Variants in PDE3B observed in about 807,000 individuals in gnomAD.
PDE3B encodes the protein cGMP-inhibited 3',5'-cyclic phosphodiesterase 3B.
PDE3B carries 66 observed loss-of-function variants against 116.8 expected under a neutral mutation model. That is an observed-to-expected ratio of 0.56 (90% CI 0.46 to 0.69). PDE3B has a LOEUF of 0.69. Among genes scored for constraint, PDE3B ranks in the 30% least tolerant of loss-of-function variants. The pLI, the probability that PDE3B is intolerant of heterozygous loss-of-function variation, is 0.00. For missense variants in PDE3B, 1,384 were observed against 1,368.1 expected (o/e 1.01, Z -0.18); for synonymous variants, 595 against 533.6 (o/e 1.12, Z -1.59).
chr11:14,689,985 A>T (rs556095677), intron 1 of PDE3B, among the ~76,000 whole-genome samples: 6 of 152,232 alleles, frequency 3.9e-5, no homozygotes, highest in Admixed American at 1.3e-4. Flanking sequence ...TTAGTTTGGG[A>T]GGCATGTATT....
intron 4 of PDE3B, among the ~76,000 whole-genome samples, chr11:14,801,025 C>T (rs1590156282): frequency 6.6e-6 from 1 of 152,168 alleles, no homozygotes; most frequent in East Asian, 1.9e-4. Context: ...TTCTTCTCTA[C>T]ACTGATTATT....
intron 1 of PDE3B, among the ~76,000 whole-genome samples, chr11:14,710,223 C>T (rs1360350389): frequency 6.6e-6 from 1 of 152,108 alleles, no homozygotes; most frequent in Non-Finnish European, 1.5e-5. Flanking sequence ...TTATTGTGCT[C>T]CTTCAATGAG....
intron 12 of PDE3B, among the ~76,000 whole-genome samples, chr11:14,846,107 C>T (rs1847595850): frequency 6.6e-6 from 1 of 152,170 alleles, no homozygotes; most frequent in Admixed American, 6.5e-5. Context: ...TGGGTTACCA[C>T]AAAGGGAAGC....
chr11:14,724,127 T>C (rs1856208874), intron 1 of PDE3B, among the ~76,000 whole-genome samples: 1 of 152,074 alleles, frequency 6.6e-6, no homozygotes, highest in South Asian at 2.1e-4. Flanking sequence ...TTGGCAAAAG[T>C]TTTTTCAGAA....
At chr11:14,837,358 T>G (rs1267785119) in intron 11 of PDE3B, among the ~76,000 whole-genome samples, 1 of 152,208 alleles carries the variant, frequency 6.6e-6, no homozygotes, top group Admixed American at 6.5e-5. Flanking sequence ...CCAATCTTTC[T>G]TTTTCCTCTC....
chr11:14,724,145 G>T (rs1420990609), intron 1 of PDE3B, among the ~76,000 whole-genome samples: 2 of 152,140 alleles, frequency 1.3e-5, no homozygotes, highest in African/African-American at 4.8e-5. Context: ...GAAATGGAGA[G>T]AAATAGACTT....
At position 14,644,614 on chromosome 11, in the gene PDE3B, A is replaced by G. The variant is rs1257971143; in HGVS notation, c.539A>G (p.Asp180Gly). 6.5e-7 allele frequency: 1 copy of G among 1,537,328 alleles called. No individual in the cohort carries two copies. Among genetic ancestry groups the G allele is most frequent in the Non-Finnish European group, 8.7e-7 (1 of 1,144,740 alleles). The change falls in exon 1 of 16, where the codon GAC becomes GGC. Residue 180 changes from aspartate (D) to glycine (G), a missense_variant. Coordinates refer to ENST00000282096, the MANE Select transcript of PDE3B (RefSeq NM_000922.4). Reference sequence around the variant, plus strand: ...TGGTCTTGGCCTTGGGGGGATGGCGACGCAGGGTCCGCGGCCCCGCACACG... The same window carrying G: ...TGGTCTTGGCCTTGGGGGGATGGCGGCGCAGGGTCCGCGGCCCCGCACACG... ...QWWSWPWGDG[D>G]AGSAAPHTPP...
intron 4 of PDE3B, among the ~76,000 whole-genome samples, chr11:14,793,438 CAT>C (rs1042007428): frequency 3.9e-5 from 6 of 152,154 alleles, no homozygotes; most frequent in African/African-American, 1.4e-4. Flanking sequence ...TGACCCATCT[CAT>C]GTGGTCAAGT....
At chr11:14,818,436 A>T (rs1859401757) in intron 6 of PDE3B, 43 bp downstream of exon 6, 7 of 1,348,862 alleles carry the variant, frequency 5.2e-6, no homozygotes, top group Non-Finnish European at 7.4e-6. Context: ...CAAAATGTTG[A>T]TTACAGTTAA....
At chr11:14,813,827 G>A (rs1237860482) in intron 5 of PDE3B, among the ~76,000 whole-genome samples, 1 of 152,064 alleles carries the variant, frequency 6.6e-6, no homozygotes, top group Non-Finnish European at 1.5e-5. Context: ...TAAATTAGAG[G>A]CCAACATCTC....
rs190469914 is a variant in PDE3B at position 14,870,706 on chromosome 11, C to T, written c.*1046C>T. The T allele has an allele frequency of 6.6e-6, 1 of 152,212 alleles. No homozygotes were observed. Among genetic ancestry groups the T allele is most frequent in the East Asian group, 1.9e-4 (1 of 5,184 alleles). The allele number at this position is 152,212 out of a possible 1,614,324, so 9.4% of individuals were successfully genotyped here. The stretch of plus-strand genomic sequence containing the variant: ...TGATGTTCATCTTTCTGTTAATTTC[C>T]CTCTGCCTAAAGACTACATGACAGA... On this transcript the variant is annotated 3_prime_UTR_variant, in exon 16 of 16. Transcript: ENST00000282096. The surrounding 1 kb of genome is among the most constrained non-coding windows in gnomAD (Gnocchi z 4.1).
At chr11:14,712,951 A>G (rs937023687) in intron 1 of PDE3B, among the ~76,000 whole-genome samples, 5 of 152,184 alleles carry the variant, frequency 3.3e-5, no homozygotes, top group African/African-American at 9.7e-5. Context: ...TTGTGCCATG[A>G]TTTCCTTAAT....
chr11:14,865,990 C>T lies in PDE3B; in HGVS notation c.2887-1516C>T, dbSNP rs186792083. Among the ~76,000 whole-genome samples the T allele has an allele frequency of 2.0e-5, 3 of 152,220 alleles. No homozygotes were observed. In the East Asian group the frequency reaches 5.8e-4, roughly 29 times the overall value. ...CTGGAAGCCATGCCTGAGGTTGAATCCTGGCTTCTCTTCCTTATCTCCAAT... is the reference window on the plus strand; with the variant it reads ...CTGGAAGCCATGCCTGAGGTTGAATTCTGGCTTCTCTTCCTTATCTCCAAT... On this transcript the variant is annotated intron_variant, in intron 14 of 15. Transcript: ENST00000282096.
At position 14,680,527 on chromosome 11, in the gene PDE3B, T is replaced by A. The variant is rs554257072; in HGVS notation, c.978+35474T>A. On this transcript the variant is annotated intron_variant, in intron 1 of 15. Coordinates refer to ENST00000282096, the MANE Select transcript of PDE3B (RefSeq NM_000922.4). ...CAAACAAAAGTAGAACCGGCAAGTTTGTATTGCTGTCTCATGGCTAGAGTT... is the reference window on the plus strand; with the variant it reads ...CAAACAAAAGTAGAACCGGCAAGTTAGTATTGCTGTCTCATGGCTAGAGTT... 2.0e-4 allele frequency among the ~76,000 whole-genome samples: 30 copies of A among 152,332 alleles called. 1 individual carries two copies. The South Asian group carries it at 5.2e-3, about 26-fold the overall frequency.
chr11:14,654,140 A>G (rs904762392), intron 1 of PDE3B, among the ~76,000 whole-genome samples: 4 of 152,114 alleles, frequency 2.6e-5, no homozygotes, highest in Non-Finnish European at 5.9e-5. Flanking sequence ...GAAATATTAG[A>G]AAAAAATGTC....
rs60396910 is a variant in PDE3B, at chr11:14,667,833, TATAATA to T, written c.978+22803_978+22808del. 2.8e-3 allele frequency among the ~76,000 whole-genome samples: 415 copies of T among 148,508 alleles called. 3 individuals are homozygous for T. The highest frequency in any genetic ancestry group is 9.0e-3 in the African/African-American group (366 of 40,528). ...TGCACATGTACCCTAAAACTTAAAG[TATAATA>T]ATAATAATAATAATAATAATAAAAG... On this transcript the variant is annotated intron_variant, in intron 1 of 15. Transcript: ENST00000282096.
chr11:14,783,600 G>A (rs1421356294), intron 2 of PDE3B, among the ~76,000 whole-genome samples: 1 of 152,074 alleles, frequency 6.6e-6, no homozygotes, highest in Non-Finnish European at 1.5e-5. Context: ...CACACACCGG[G>A]GCTTGTAGTG....
chr11:14,644,798 C>T lies in PDE3B; in HGVS notation c.723C>T (p.Pro241=), dbSNP rs748625572. The change falls in exon 1 of 16, where the codon CCC becomes CCT. Residue 241 remains proline (P), a synonymous_variant. Transcript: ENST00000282096. ...CCTTCACCAGCCTCGGGTCGCTGCCCTCCGCCCTCAGGCCGCTGCTCTCCG... is the reference window on the plus strand; with the variant it reads ...CCTTCACCAGCCTCGGGTCGCTGCCTTCCGCCCTCAGGCCGCTGCTCTCCG... ...WVSFTSLGSL[P]SALRPLLSGL... 2 of 1,610,968 alleles carry T rather than the reference C, an allele frequency of 1.2e-6. No homozygotes were observed. The highest frequency in any genetic ancestry group is 1.1e-5 in the South Asian group (1 of 90,756).
intron 1 of PDE3B, among the ~76,000 whole-genome samples, chr11:14,651,634 A>G (rs2133748478): frequency 6.6e-6 from 1 of 152,174 alleles, no homozygotes; most frequent in South Asian, 2.1e-4. Flanking sequence ...ATGAAATGGC[A>G]TTTCTTTGTG....
Sources: allele counts gnomAD v4.1 joint callset (sites outside exome capture counted in the v4.1 genomes callset), GRCh38; gene constraint gnomAD v4.1.1; non-coding constraint Gnocchi (gnomAD v3.1); transcripts MANE v1.5; gene names NCBI Gene and HGNC (gene_info 2026-07-23, HGNC 2026-07-21).